VAPB: variants seen among roughly 807,000 people sequenced by gnomAD.
VAPB encodes the protein vesicle-associated membrane protein-associated protein B/C.
Under a neutral mutation model 25.6 loss-of-function variants are expected in VAPB, and 7 were observed. That is an observed-to-expected ratio of 0.27 (90% CI 0.16 to 0.51). The LOEUF is 0.51. VAPB is among the 20% of genes least tolerant of loss of function. The probability of loss-of-function intolerance (pLI) is 0.97; values close to 1 mark genes in which losing one functional copy is unlikely to be tolerated. For missense variants in VAPB, 266 were observed against 301.3 expected (o/e 0.88, Z 0.87); for synonymous variants, 112 against 109.2 (o/e 1.03, Z -0.16).
At chr20:58,390,275 G>A (rs888591090) in intron 1 of VAPB, 1 of 152,038 alleles carries the variant, frequency 6.6e-6, no homozygotes, top group East Asian at 1.9e-4. Context: ...CCGCAGAGCT[G>A]TCTGGAGCAA....
At chr20:58,418,092 G>C in intron 1 of VAPB, 119 bp from the exon 2 acceptor site, 1 of 1,366,104 alleles carries the variant, frequency 7.3e-7, no homozygotes, top group South Asian at 1.2e-5. Context: ...CCATTGGCAT[G>C]TTAATGAGAT....
intron 2 of VAPB, among the ~76,000 whole-genome samples, chr20:58,426,686 G>A (rs1988790495): frequency 6.6e-6 from 1 of 152,140 alleles, no homozygotes; most frequent in African/African-American, 2.4e-5. Context: ...TTTGATCTGA[G>A]GAATTACCAT....
Position 58,444,642 on chromosome 20 carries a change from G to C in VAPB, c.*407G>C, listed in dbSNP as rs1989238072. 1 of 454,920 alleles carries C rather than the reference G, an allele frequency of 2.2e-6. No individual in the cohort carries two copies. Among genetic ancestry groups the C allele is most frequent in the Non-Finnish European group, 4.4e-6 (1 of 227,342 alleles). The allele number at this position is 454,920 out of a possible 1,614,324, so 28.2% of individuals were successfully genotyped here. ...GAGCTGGAGCCCAGCATGCTGGGGA[G>C]TGCGGTCAGCTCCACACAGTAGTCC... On this transcript the variant is annotated 3_prime_UTR_variant, in exon 6 of 6. Coordinates refer to ENST00000475243, the MANE Select transcript of VAPB (RefSeq NM_004738.5).
At chr20:58,429,977 G>A (rs1203913652) in intron 2 of VAPB, among the ~76,000 whole-genome samples, 1 of 128,540 alleles carries the variant, frequency 7.8e-6, no homozygotes, top group Non-Finnish European at 1.7e-5. Context: ...AGGAGGCAAG[G>A]CAGGAGGATC....
intron 2 of VAPB, among the ~76,000 whole-genome samples, chr20:58,432,619 G>T (rs1169649753): frequency 6.6e-6 from 1 of 152,224 alleles, no homozygotes; most frequent in African/African-American, 2.4e-5. Context: ...CTCCAAAGAA[G>T]GTTGACAGTC....
intron 1 of VAPB, among the ~76,000 whole-genome samples, chr20:58,413,057 T>A (rs1478035891): frequency 6.6e-6 from 1 of 152,106 alleles, no homozygotes; most frequent in Admixed American, 6.5e-5. Context: ...AGGCCCAATT[T>A]TTGTAATTAA....
In VAPB at chr20:58,389,543, C is replaced by G. The variant is rs1256969851; in HGVS notation, c.58+26C>G. ...GTAAGCCCCAGAGGCCGCCACCTTCCTGCCCGCGGCCTCCGCCCCAGTGCT... is the reference window on the plus strand; with the variant it reads ...GTAAGCCCCAGAGGCCGCCACCTTCGTGCCCGCGGCCTCCGCCCCAGTGCT... On this transcript the variant is annotated intron_variant, in intron 1 of 5. Transcript: ENST00000475243. 1.9e-6 allele frequency: 3 copies of G among 1,558,456 alleles called. No individual in the cohort carries two copies. In the South Asian group the frequency reaches 3.6e-5, roughly 19 times the overall value.
chr20:58,438,906 G>T, intron 3 of VAPB, 39 bp from the exon 4 acceptor site: 1 of 1,549,574 alleles, frequency 6.5e-7, no homozygotes, highest in Non-Finnish European at 8.9e-7. Context: ...CTTCCAGCAG[G>T]TTTATAATAT....
At chr20:58,438,850 TTAAGAG>T in intron 3 of VAPB, 89 bp from the exon 4 acceptor site, 1 of 1,044,600 alleles carries the variant, frequency 9.6e-7, no homozygotes, top group East Asian at 2.5e-5. Context: ...GGCTTTCTCA[TTAAGAG>T]TATTTTTCTG....
chr20:58,390,174 G>A (rs546955504), intron 1 of VAPB: 1 of 152,268 alleles, frequency 6.6e-6, no homozygotes, highest in Non-Finnish European at 1.5e-5. Context: ...ACTTCTGATG[G>A]GATTGGGCCC....
chr20:58,421,905 T>C (rs1281189956), intron 2 of VAPB, among the ~76,000 whole-genome samples: 1 of 152,190 alleles, frequency 6.6e-6, no homozygotes, highest in Admixed American at 6.5e-5. Flanking sequence ...TACCCTGATA[T>C]TCAAGGGACC....
intron 2 of VAPB, chr20:58,430,911 G>A (rs947193732): frequency 1.4e-4 from 22 of 152,354 alleles, no homozygotes; most frequent in African/African-American, 5.3e-4. Context: ...ATAGAAGACA[G>A]GCTGGATGCT....
intron 1 of VAPB, among the ~76,000 whole-genome samples, chr20:58,411,869 C>T (rs189774871): frequency 2.8e-3 from 419 of 151,990 alleles, no homozygotes; most frequent in Non-Finnish European, 4.3e-3. Context: ...TTAGTAGAGA[C>T]GGGGTTTCAC....
chr20:58,410,270 T>G (rs1306395047), intron 1 of VAPB, among the ~76,000 whole-genome samples: 1 of 152,164 alleles, frequency 6.6e-6, no homozygotes, highest in East Asian at 1.9e-4. Flanking sequence ...ATTTCTAGTG[T>G]TGTACATTCT....
At position 58,444,598 on chromosome 20, in the gene VAPB, G is replaced by T. The variant is rs1325020499; in HGVS notation, c.*363G>T. The T allele has an allele frequency of 6.6e-6, 3 of 457,254 alleles. No individual in the cohort carries two copies. Among genetic ancestry groups the T allele is most frequent in the Admixed American group, 4.7e-5 (2 of 42,634 alleles). The allele number at this position is 457,254 out of a possible 1,614,324, so 28.3% of individuals were successfully genotyped here. ...CTTAAAATGACACCCTTCCTCGCCT[G>T]TTGGTGCTGGCCCTTGGGGAGCTGG... On this transcript the variant is annotated 3_prime_UTR_variant, in exon 6 of 6. Transcript: ENST00000475243.
Position 58,447,152 on chromosome 20 carries a change from C to G in VAPB, c.*2917C>G, listed in dbSNP as rs1989312739. 2.2e-6 allele frequency: 1 copy of G among 453,998 alleles called. No homozygotes were observed. The highest frequency in any genetic ancestry group is 1.6e-5 in the South Asian group (1 of 64,484). The allele number at this position is 453,998 out of a possible 1,614,324, so 28.1% of individuals were successfully genotyped here. On this transcript the variant is annotated 3_prime_UTR_variant, in exon 6 of 6. Coordinates refer to ENST00000475243, the MANE Select transcript of VAPB (RefSeq NM_004738.5). ...CGGCCCTGGCTTCAGAAATGCCAGC[C>G]ATAGTGCTCACAAATGCAGAAGAGA...
chr20:58,418,361 C>G lies in VAPB; in HGVS notation c.209C>G (p.Ser70Cys), dbSNP rs762603323. The G allele has an allele frequency of 6.2e-7, 1 of 1,614,068 alleles. No homozygotes were observed. The highest frequency in any genetic ancestry group is 1.1e-5 in the South Asian group (1 of 91,076). The change falls in exon 2 of 6, where the codon TCT becomes TGT. Residue 70 changes from serine to cysteine, a missense_variant and splice_region_variant. By Grantham distance (112) the Ser-to-Cys change is moderately radical. Transcript: ENST00000475243. ...IIDAGASINV[S>C]VMLQPFDYDP... ...GATGCAGGGGCCTCAATTAATGTAT[C>G]TGGTAAGTCCTGAGACTGGAGGCCT... is the stretch of plus-strand genomic sequence containing the variant.
chr20:58,428,652 G>A (rs1357804293), intron 2 of VAPB, among the ~76,000 whole-genome samples: 1 of 152,162 alleles, frequency 6.6e-6, no homozygotes, highest in Non-Finnish European at 1.5e-5. Flanking sequence ...ATAAATTTAA[G>A]TTAATGGCAA....
chr20:58,430,552 G>A (rs575427995), intron 2 of VAPB, among the ~76,000 whole-genome samples: 2 of 151,808 alleles, frequency 1.3e-5, no homozygotes, highest in South Asian at 4.2e-4. Flanking sequence ...GAGCTGCTGT[G>A]CCTGGCCTGC....
Sources: allele counts gnomAD v4.1 joint callset (sites outside exome capture counted in the v4.1 genomes callset), GRCh38; gene constraint gnomAD v4.1.1; transcripts MANE v1.5; gene names NCBI Gene and HGNC (gene_info 2026-07-23, HGNC 2026-07-21).